Variants in STPG2 observed in about 807,000 individuals in gnomAD.
STPG2 encodes the protein sperm-tail PG-rich repeat-containing protein 2.
In STPG2, 56 loss-of-function variants were observed where a neutral mutation model predicts 54.2. The observed-to-expected ratio is 1.03, with a 90% CI of 0.83 to 1.29. The LOEUF is 1.29. Ranked by LOEUF, STPG2 falls within the 50% of genes most tolerant of loss-of-function variation. The probability of loss-of-function intolerance (pLI) is 0.00; values close to 1 mark genes in which losing one functional copy is unlikely to be tolerated. For synonymous variants in STPG2, 200 were observed against 181.8 expected, an observed-to-expected ratio of 1.10 and a Z score of -0.81; for missense variants, 596 against 544.9, an observed-to-expected ratio of 1.09 and a Z score of -0.93.
intron 8 of STPG2, among the ~76,000 whole-genome samples, chr4:97,913,577 A>T (rs1273233292): frequency 6.6e-6 from 1 of 152,188 alleles, no homozygotes; most frequent in Non-Finnish European, 1.5e-5. Flanking sequence ...TTATCAATTA[A>T]GATTACAGTG....
chr4:97,705,331 C>CT (rs148176664), intron 10 of STPG2, among the ~76,000 whole-genome samples: 86,703 of 149,078 alleles, frequency 0.58, 25,317 homozygotes, highest in South Asian at 0.68. Context: ...CTTAGAAATT[C>CT]TTTTTTTTTT....
chr4:97,781,965 C>G (rs1437292538), intron 9 of STPG2, among the ~76,000 whole-genome samples: 1 of 152,180 alleles, frequency 6.6e-6, no homozygotes, highest in Non-Finnish European at 1.5e-5. Context: ...AACAAACCCA[C>G]AGCCAATATC....
chr4:97,976,000 T>A (rs1443578480), intron 6 of STPG2, among the ~76,000 whole-genome samples: 1 of 152,308 alleles, frequency 6.6e-6, no homozygotes, highest in South Asian at 2.1e-4. Context: ...AGGTTAGACG[T>A]TACTTTGGTT....
chr4:97,800,633 A>G (rs1366361974), intron 9 of STPG2, among the ~76,000 whole-genome samples: 1 of 152,104 alleles, frequency 6.6e-6, no homozygotes, highest in African/African-American at 2.4e-5. Flanking sequence ...GGGGTCAGGG[A>G]CCCACTTGAG....
intron 9 of STPG2, among the ~76,000 whole-genome samples, chr4:97,735,070 C>T (rs1724932617): frequency 2.2e-5 from 1 of 46,016 alleles, no homozygotes; most frequent in African/African-American, 7.3e-5. Context: ...GAGACATCGT[C>T]TCAAAAAAAA....
chr4:97,501,091 C>T (rs989991736), intron 4 of STPG2, among the ~76,000 whole-genome samples: 5 of 151,910 alleles, frequency 3.3e-5, no homozygotes, highest in Non-Finnish European at 7.4e-5. Flanking sequence ...GTCTTTGGGA[C>T]CTGATCCAGT....
intron 5 of STPG2, among the ~76,000 whole-genome samples, chr4:98,086,193 C>T (rs893087453): frequency 6.6e-6 from 1 of 151,964 alleles, no homozygotes; most frequent in African/African-American, 2.4e-5. Flanking sequence ...CTAAAGTATG[C>T]ACATTTGCAC....
intron 5 of STPG2, among the ~76,000 whole-genome samples, chr4:98,070,367 C>T (rs1737962588): frequency 1.3e-5 from 2 of 151,914 alleles, no homozygotes; most frequent in Admixed American, 1.3e-4. Context: ...GAACATACCT[C>T]AAAATAATAA....
chr4:97,591,202 A>G (rs1258750413), intron 10 of STPG2, among the ~76,000 whole-genome samples: 1 of 152,174 alleles, frequency 6.6e-6, no homozygotes, highest in Non-Finnish European at 1.5e-5. Context: ...AACTAAAGAG[A>G]AAAGATCCAT....
intron 4 of STPG2, among the ~76,000 whole-genome samples, chr4:97,446,872 G>A (rs1193387733): frequency 1.3e-5 from 2 of 152,166 alleles, no homozygotes; most frequent in African/African-American, 2.4e-5. Flanking sequence ...ATAGCAGCAT[G>A]AGACTGGGCA....
intron 5 of STPG2, among the ~76,000 whole-genome samples, chr4:97,993,499 T>G (rs927084726): frequency 6.6e-6 from 1 of 152,186 alleles, no homozygotes; most frequent in African/African-American, 2.4e-5. Flanking sequence ...TTGAGGATTT[T>G]TGCATCTGTG....
chr4:97,477,959 A>G (rs1730120035), intron 4 of STPG2, among the ~76,000 whole-genome samples: 2 of 152,198 alleles, frequency 1.3e-5, no homozygotes, highest in African/African-American at 2.4e-5. Flanking sequence ...ATAAAAATGC[A>G]TCATGCACAG....
intron 5 of STPG2, among the ~76,000 whole-genome samples, chr4:98,071,235 C>T (rs910997607): frequency 1.3e-5 from 2 of 151,986 alleles, no homozygotes; most frequent in Non-Finnish European, 2.9e-5. Flanking sequence ...ACAAATGAAA[C>T]GTAACAGAGA....
chr4:97,612,231 G>T (rs1466305646), intron 10 of STPG2, among the ~76,000 whole-genome samples: 1 of 125,810 alleles, frequency 7.9e-6, no homozygotes, highest in Admixed American at 9.1e-5. Flanking sequence ...TTTTCTTGTT[G>T]TAAAATGTGT....
chr4:98,093,595 T>C (rs541640852), intron 5 of STPG2, among the ~76,000 whole-genome samples: 2 of 152,238 alleles, frequency 1.3e-5, no homozygotes, highest in South Asian at 4.1e-4. Flanking sequence ...AAAACCCAGG[T>C]GGCAATCACA....
chr4:97,951,297 C>T (rs572599969), intron 7 of STPG2, among the ~76,000 whole-genome samples: 1 of 152,252 alleles, frequency 6.6e-6, no homozygotes, highest in East Asian at 1.9e-4. Context: ...TATTGCAGTT[C>T]CCCTGTCTTG....
intron 9 of STPG2, among the ~76,000 whole-genome samples, chr4:97,740,890 G>C (rs1480283695): frequency 2.6e-5 from 4 of 152,094 alleles, no homozygotes; most frequent in African/African-American, 4.8e-5. Flanking sequence ...AACCAAAAAA[G>C]AGCCCGCATC....
At chr4:97,705,961 T>TAATAC (rs1456980811) in intron 10 of STPG2, among the ~76,000 whole-genome samples, 1 of 152,108 alleles carries the variant, frequency 6.6e-6, no homozygotes, top group African/African-American at 2.4e-5. Flanking sequence ...TCAAGTACTG[T>TAATAC]AATACATGCT....
chr4:97,930,399 A>T (rs997274166), intron 8 of STPG2, among the ~76,000 whole-genome samples: 3 of 152,158 alleles, frequency 2.0e-5, no homozygotes, highest in Non-Finnish European at 4.4e-5. Flanking sequence ...GCATATGGTT[A>T]ACCAGTTATG....
Sources: allele counts gnomAD v4.1 joint callset (sites outside exome capture counted in the v4.1 genomes callset), GRCh38; gene constraint gnomAD v4.1.1; transcripts MANE v1.5; gene names NCBI Gene and HGNC (gene_info 2026-07-23, HGNC 2026-07-21).